TCF20: variants seen among roughly 807,000 people sequenced by gnomAD.
TCF20 encodes SPRE-binding protein.
TCF20 carries 3 observed loss-of-function variants against 148.6 expected under a neutral mutation model. The observed-to-expected ratio is 0.02, with a 90% CI of 0.01 to 0.05. The LOEUF (loss-of-function observed/expected upper bound fraction) is 0.05, where lower values mean the gene tolerates loss of function less well. TCF20 is among the 10% of genes least tolerant of loss of function. The pLI is 1.00. For missense variants in TCF20, 2,350 were observed against 2,429.3 expected, an observed-to-expected ratio of 0.97 and a Z score of 0.69; for synonymous variants, 1,049 against 909.5, an observed-to-expected ratio of 1.15 and a Z score of -2.76.
At chr22:42,259,106 T>C (rs1427922235) in intron 1 of TCF20, among the ~76,000 whole-genome samples, 1 of 152,224 alleles carries the variant, frequency 6.6e-6, no homozygotes, top group Non-Finnish European at 1.5e-5. Flanking sequence ...GAAAAAGTCT[T>C]CCCTGGTTCC....
chr22:42,308,437 G>A (rs1927473783), intron 1 of TCF20, among the ~76,000 whole-genome samples: 1 of 152,114 alleles, frequency 6.6e-6, no homozygotes, highest in Non-Finnish European at 1.5e-5. Context: ...GACTCACTTA[G>A]TCCTCCCTAT....
intron 1 of TCF20, among the ~76,000 whole-genome samples, chr22:42,307,978 G>A (rs1407595603): frequency 6.6e-6 from 1 of 152,236 alleles, no homozygotes. Flanking sequence ...TTGGCCAATA[G>A]GGGCGCAGGC....
At chr22:42,303,519 C>T (rs1273042425) in intron 1 of TCF20, among the ~76,000 whole-genome samples, 4 of 152,254 alleles carry the variant, frequency 2.6e-5, no homozygotes, top group Admixed American at 6.5e-5. Context: ...GTTTTCCAGC[C>T]GAGGGCATGA....
At chr22:42,230,004 T>C (rs1923254381) in intron 1 of TCF20, among the ~76,000 whole-genome samples, 1 of 152,146 alleles carries the variant, frequency 6.6e-6, no homozygotes, top group Admixed American at 6.5e-5. Context: ...TTCCCTCCAA[T>C]CCAGCTTGCA....
intron 2 of TCF20, among the ~76,000 whole-genome samples, chr22:42,200,249 C>T (rs1422012453): frequency 2.0e-5 from 3 of 152,088 alleles, no homozygotes; most frequent in Non-Finnish European, 4.4e-5. Context: ...GTTGATGACC[C>T]CTCACCTCGC....
chr22:42,260,730 T>C (rs1433219245), intron 1 of TCF20, among the ~76,000 whole-genome samples: 1 of 152,148 alleles, frequency 6.6e-6, no homozygotes, highest in Non-Finnish European at 1.5e-5. Flanking sequence ...GCGATCCACC[T>C]GCCTTAGCCT....
chr22:42,242,224 A>AAAAAAAAAAAAAAAAAAC (rs1555942548), intron 1 of TCF20, among the ~76,000 whole-genome samples: 2 of 147,580 alleles, frequency 1.4e-5, no homozygotes, highest in African/African-American at 5.3e-5. Flanking sequence ...AAAAAAAAAA[A>AAAAAAAAAAAAAAAAAAC]AAACAGAAAA....
chr22:42,293,050 C>T (rs1281015958), intron 1 of TCF20, among the ~76,000 whole-genome samples: 3 of 151,998 alleles, frequency 2.0e-5, no homozygotes, highest in Non-Finnish European at 4.4e-5. Context: ...AGCCCCGGGG[C>T]CAGCTCCCAG....
intron 1 of TCF20, among the ~76,000 whole-genome samples, chr22:42,246,645 C>G (rs1403312307): frequency 6.6e-6 from 1 of 152,096 alleles, no homozygotes; most frequent in Admixed American, 6.5e-5. Context: ...TCAGGGAGGA[C>G]TGGGGAAGGA....
upstream of TCF20, among the ~76,000 whole-genome samples, chr22:42,275,594 CAG>C (rs1211411424): frequency 6.6e-6 from 1 of 152,206 alleles, no homozygotes; most frequent in Admixed American, 6.5e-5. Context: ...CTGCCTGCCT[CAG>C]GGGAGTCGGC....
chr22:42,283,379 G>A (rs2147019221), intron 1 of TCF20, among the ~76,000 whole-genome samples: 1 of 151,880 alleles, frequency 6.6e-6, no homozygotes, highest in Non-Finnish European at 1.5e-5. Context: ...GGCTGGATCT[G>A]GACCGGAGGG....
intron 5 of TCF20, among the ~76,000 whole-genome samples, chr22:42,162,632 T>A (rs1208828821): frequency 6.6e-6 from 1 of 152,200 alleles, no homozygotes; most frequent in African/African-American, 2.4e-5. Context: ...TTGCCCCTCC[T>A]TCACTTGCTA....
intron 1 of TCF20, among the ~76,000 whole-genome samples, chr22:42,298,689 G>C (rs1365156661): frequency 6.6e-6 from 1 of 152,260 alleles, no homozygotes; most frequent in African/African-American, 2.4e-5. Flanking sequence ...AGGCCTACCA[G>C]CTGGCATGGT....
chr22:42,331,413 C>G (rs1927972816), intron 1 of TCF20, among the ~76,000 whole-genome samples: 1 of 152,246 alleles, frequency 6.6e-6, no homozygotes. Context: ...ACTCCCATTT[C>G]TATAGCCCAC....
chr22:42,184,956 G>A (rs1159728463), intron 2 of TCF20, among the ~76,000 whole-genome samples: 2 of 152,210 alleles, frequency 1.3e-5, no homozygotes, highest in South Asian at 2.1e-4. Context: ...GGCAGGGCTC[G>A]CTGACTTGAG....
chr22:42,189,718 C>T (rs1018302780), intron 2 of TCF20, among the ~76,000 whole-genome samples: 1 of 152,096 alleles, frequency 6.6e-6, no homozygotes, highest in Non-Finnish European at 1.5e-5. Context: ...GCTTTTTTTC[C>T]GTATCATTTT....
intron 1 of TCF20, among the ~76,000 whole-genome samples, chr22:42,302,395 G>A (rs1927353374): frequency 6.6e-6 from 1 of 152,178 alleles, no homozygotes; most frequent in South Asian, 2.1e-4. Context: ...AGCGTACAGA[G>A]GCAGCCTTGG....
At chr22:42,270,926 C>G (rs1290911781), upstream of TCF20, among the ~76,000 whole-genome samples, 1 of 151,502 alleles carries the variant, frequency 6.6e-6, no homozygotes, top group Non-Finnish European at 1.5e-5. Flanking sequence ...CCATCTTGGC[C>G]TGCGCCTCAG....
chr22:42,170,009 C>T, intron 3 of TCF20, 113 bp from the exon 4 acceptor site: 1 of 974,676 alleles, frequency 1.0e-6, no homozygotes, highest in Non-Finnish European at 1.6e-6. Flanking sequence ...GCTACACTTA[C>T]TTCTAATAGG....
Sources: gnomAD v4.1 joint callset for allele counts (sites outside exome capture counted in the v4.1 genomes callset) on GRCh38, gnomAD v4.1.1 for gene constraint, MANE v1.5 for transcripts, NCBI Gene and HGNC (gene_info 2026-07-23, HGNC 2026-07-21) for gene names.